Variants in MTHFD1 observed in about 807,000 individuals in gnomAD.
The protein encoded by MTHFD1 is methylenetetrahydrofolate dehydrogenase, cyclohydrolase and formyltetrahydrofolate synthetase 1.
Under a neutral mutation model 110.3 loss-of-function variants are expected in MTHFD1, and 44 were observed. The ratio of observed to expected loss-of-function variants is 0.40; its 90% CI spans 0.31 to 0.51. MTHFD1 has a LOEUF of 0.51. Among genes scored for constraint, MTHFD1 ranks in the 20% least tolerant of loss-of-function variants. The probability of loss-of-function intolerance (pLI) is 0.60; values close to 1 mark genes in which losing one functional copy is unlikely to be tolerated. For synonymous variants in MTHFD1, 402 were observed against 428.8 expected, an observed-to-expected ratio of 0.94 and a Z score of 0.77; for missense variants, 909 against 1,173.1, an observed-to-expected ratio of 0.77 and a Z score of 3.29.
At chr14:64,449,714 C>T in intron 24 of MTHFD1, 92 bp downstream of exon 24, 3 of 1,455,862 alleles carry the variant, frequency 2.1e-6, no homozygotes, top group East Asian at 2.4e-5. Flanking sequence ...CCCCATGCTT[C>T]GCAGCTTCAG....
intron 13 of MTHFD1, 95 bp downstream of exon 13, chr14:64,430,325 T>C (rs1212105630): frequency 3.5e-5 from 41 of 1,184,686 alleles, no homozygotes; most frequent in Non-Finnish European, 5.0e-5. Flanking sequence ...CATGACGGAG[T>C]CTTGCTCTGT....
At chr14:64,433,497 A>G (rs536733742) in intron 15 of MTHFD1, among the ~76,000 whole-genome samples, 2 of 152,144 alleles carry the variant, frequency 1.3e-5, no homozygotes, top group Non-Finnish European at 2.9e-5. Context: ...ATCTTACTAC[A>G]GCCTCAACCT....
At chr14:64,452,667 C>A (rs1056373685) in intron 24 of MTHFD1, among the ~76,000 whole-genome samples, 1 of 152,126 alleles carries the variant, frequency 6.6e-6, no homozygotes, top group African/African-American at 2.4e-5. Context: ...TTTTCTAATA[C>A]CTGGGTGATT....
chr14:64,398,922 T>C (rs2077877084), intron 1 of MTHFD1, among the ~76,000 whole-genome samples: 1 of 152,256 alleles, frequency 6.6e-6, no homozygotes, highest in Admixed American at 6.5e-5. Flanking sequence ...GTTGAGAAGT[T>C]GTATGTTGGT....
intron 6 of MTHFD1, 119 bp downstream of exon 6, chr14:64,415,858 G>A: frequency 3.0e-6 from 3 of 984,448 alleles, no homozygotes; most frequent in Middle Eastern, 2.1e-4. Context: ...TTGGCAGAAG[G>A]GCCTGTCTAC....
chr14:64,424,976 C>T (rs748901001), intron 9 of MTHFD1, 45 bp downstream of exon 9: 30 of 1,611,798 alleles, frequency 1.9e-5, no homozygotes, highest in Non-Finnish European at 2.5e-5. Flanking sequence ...AAAAGCTGAT[C>T]GAGTTTTGGC....
chr14:64,435,066 C>G (rs942220807), intron 15 of MTHFD1, among the ~76,000 whole-genome samples: 2 of 144,904 alleles, frequency 1.4e-5, no homozygotes, highest in Admixed American at 1.5e-4. Context: ...TCTGCTGTCT[C>G]AGCCTCCCAA....
At chr14:64,414,281 C>A (rs2140955227) in intron 4 of MTHFD1, among the ~76,000 whole-genome samples, 1 of 136,164 alleles carries the variant, frequency 7.3e-6, no homozygotes. Context: ...CCGCACCTGT[C>A]CCCGCTTTTT....
chr14:64,415,733 G>C lies in MTHFD1; in HGVS notation c.472G>C (p.Glu158Gln). The stretch of plus-strand genomic sequence containing the variant: ...TAAGGGATGCTTGGAACTCATCAAA[G>C]AGACAGGTAAAAACAACAAACCAAA... Reference protein sequence around the residue: ...TPKGCLELIKETGVPIAGRHA... With the variant: ...TPKGCLELIKQTGVPIAGRHA... The change falls in exon 6 of 28, where the codon GAG (glutamate) becomes CAG (glutamine). Residue 158 changes from glutamate (E) to glutamine (Q), a missense_variant. Glu to Gln is a conservative substitution (Grantham distance 29). Around this residue, in one of 3 missense-constraint regions of MTHFD1, gnomAD observed 424 missense variants for 510.4 expected, o/e 0.83. Coordinates refer to ENST00000652337, the MANE Select transcript of MTHFD1 (RefSeq NM_005956.4). 6.2e-7 allele frequency: 1 copy of C among 1,613,990 alleles called. No individual in the cohort carries two copies. Among genetic ancestry groups the C allele is most frequent in the Non-Finnish European group, 8.5e-7 (1 of 1,179,936 alleles).
At chr14:64,432,594 G>T (rs1189656337) in intron 15 of MTHFD1, among the ~76,000 whole-genome samples, 2 of 152,190 alleles carry the variant, frequency 1.3e-5, no homozygotes, top group Non-Finnish European at 2.9e-5. Context: ...CTGGGTGAAA[G>T]AAGCCAGTCT....
intron 16 of MTHFD1, among the ~76,000 whole-genome samples, chr14:64,438,620 A>G (rs755427440): frequency 7.9e-5 from 12 of 152,142 alleles, no homozygotes; most frequent in Non-Finnish European, 1.2e-4. Flanking sequence ...TAAGTGTGCT[A>G]TGTTTCCTAA....
chr14:64,449,738 T>C, intron 24 of MTHFD1, 116 bp downstream of exon 24: 3 of 1,244,142 alleles, frequency 2.4e-6, no homozygotes, highest in Non-Finnish European at 3.4e-6. Context: ...TGCGGTTTGA[T>C]TCCCACGTAG....
intron 8 of MTHFD1, among the ~76,000 whole-genome samples, chr14:64,421,740 C>T (rs1186967798): frequency 6.6e-6 from 1 of 152,090 alleles, no homozygotes; most frequent in African/African-American, 2.4e-5. Flanking sequence ...TCTCCCGCCT[C>T]CGCCTCCCGA....
intron 1 of MTHFD1, among the ~76,000 whole-genome samples, chr14:64,396,729 A>G (rs2077852636): frequency 6.6e-6 from 1 of 151,834 alleles, no homozygotes; most frequent in African/African-American, 2.4e-5. Flanking sequence ...AAAAATTGTT[A>G]ATGAACAAAT....
At position 64,456,341 on chromosome 14, in the gene MTHFD1, T is replaced by C. The variant is rs572735910; in HGVS notation, c.2718+1466T>C. 3.3e-5 allele frequency among the ~76,000 whole-genome samples: 5 copies of C among 152,368 alleles called. No individual in the cohort carries two copies. The South Asian group carries it at 1.0e-3, about 32-fold the overall frequency. ...ACACCTTCCAGTTGCCGTTGGGGCC[T>C]TAACGAGACTCAGATTATTTGAATA... On this transcript the variant is annotated intron_variant, in intron 26 of 27. Transcript: ENST00000652337.
intron 4 of MTHFD1, 48 bp downstream of exon 4, chr14:64,412,573 C>T: frequency 2.0e-6 from 3 of 1,497,164 alleles, no homozygotes; most frequent in South Asian, 1.1e-5. Flanking sequence ...AAGTGGTTTC[C>T]TCTCTGGTTT....
At chr14:64,401,707 A>AT (rs1483732597) in intron 2 of MTHFD1, among the ~76,000 whole-genome samples, 1 of 151,936 alleles carries the variant, frequency 6.6e-6, no homozygotes, top group Non-Finnish European at 1.5e-5. Flanking sequence ...TCTCAAAAAA[A>AT]AAAAAAAGAG....
At chr14:64,424,139 C>G (rs891056324) in intron 8 of MTHFD1, 1 of 157,064 alleles carries the variant, frequency 6.4e-6, no homozygotes. Flanking sequence ...AGGCCCGCCC[C>G]CAGCCCCTCC....
chr14:64,426,108 A>C lies in MTHFD1; in HGVS notation c.1043A>C (p.Tyr348Ser). ...CTGCTGTCTGAAGAGGTAGAATTAT[A>C]TGGTGAAACAAAGGCCAAAGTTCTG... is the stretch of plus-strand genomic sequence containing the variant. Reference protein sequence around the residue: ...IGLLSEEVELYGETKAKVLLS... With the variant: ...IGLLSEEVELSGETKAKVLLS... Residue 348 changes from tyrosine (Y) to serine (S), a missense_variant, in exon 11 of 28, where the codon TAT (tyrosine) becomes TCT (serine). By Grantham distance (144) the Tyr-to-Ser change is moderately radical. Coordinates refer to ENST00000652337, the MANE Select transcript of MTHFD1 (RefSeq NM_005956.4). The C allele has an allele frequency of 6.2e-7, 1 of 1,614,166 alleles. No homozygotes were observed. Among genetic ancestry groups the C allele is most frequent in the South Asian group, 1.1e-5 (1 of 91,078 alleles).
Sources: gnomAD v4.1 joint callset for allele counts (sites outside exome capture counted in the v4.1 genomes callset) on GRCh38, gnomAD v4.1.1 for gene constraint, gnomAD v4.1.1 regional missense constraint, MANE v1.5 for transcripts, NCBI Gene and HGNC (gene_info 2026-07-23, HGNC 2026-07-21) for gene names.